The following NOS1AP variants were observed in gnomAD, a reference collection of about 807,000 sequenced individuals.
The protein encoded by NOS1AP is nitric oxide synthase 1 adaptor protein.
In NOS1AP, 21 loss-of-function variants were observed where a neutral mutation model predicts 56.2. That is an observed-to-expected ratio of 0.37 (90% CI 0.26 to 0.54). NOS1AP has a LOEUF of 0.54. Ranked by LOEUF, NOS1AP falls within the 20% of genes least tolerant of loss-of-function variation. The pLI is 0.84. For missense variants in NOS1AP, 522 were observed against 657.8 expected (o/e 0.79, Z 2.26); for synonymous variants, 270 against 274.6 (o/e 0.98, Z 0.17).
chr1:162,206,494 G>A (rs1652169776), intron 2 of NOS1AP, among the ~76,000 whole-genome samples: 1 of 152,218 alleles, frequency 6.6e-6, no homozygotes, highest in Admixed American at 6.5e-5. Flanking sequence ...TTGAGTAGCT[G>A]TGATAGAGAC....
At chr1:162,303,569 G>A (rs907448825) in intron 4 of NOS1AP, among the ~76,000 whole-genome samples, 1 of 152,136 alleles carries the variant, frequency 6.6e-6, no homozygotes, top group Non-Finnish European at 1.5e-5. Context: ...AGCCTTCTGG[G>A]TAGCTGGGAC....
intron 7 of NOS1AP, among the ~76,000 whole-genome samples, chr1:162,355,918 A>G (rs780285284): frequency 1.3e-5 from 2 of 152,200 alleles, no homozygotes; most frequent in Admixed American, 6.5e-5. Flanking sequence ...ATGTGATCCA[A>G]TTAAGAAACT....
At chr1:162,101,986 G>A (rs1021944100) in intron 1 of NOS1AP, among the ~76,000 whole-genome samples, 4 of 152,066 alleles carry the variant, frequency 2.6e-5, no homozygotes, top group African/African-American at 7.3e-5. Context: ...CGTTGAATAG[G>A]AGTGGTGATA....
At chr1:162,186,106 G>A (rs759870638) in intron 2 of NOS1AP, among the ~76,000 whole-genome samples, 9 of 152,070 alleles carry the variant, frequency 5.9e-5, no homozygotes, top group Admixed American at 5.9e-4. Context: ...ATCAAGATGG[G>A]GTATTCCTGG....
Position 162,355,333 on chromosome 1 carries a change from G to A in NOS1AP, c.742G>A (p.Gly248Ser), listed in dbSNP as rs748942778. ...TCTAGATGCTGTAGGGAAGGAAGGA[G>A]GCTCTCACACAGGCTCCAAGGTAGG... Reference protein sequence around the residue: ...TDLDAVGKEGGSHTGSKVSHP... With the variant: ...TDLDAVGKEGSSHTGSKVSHP... The change falls in exon 7 of 10, where the codon GGC becomes AGC. Residue 248 changes from glycine (G) to serine (S), a missense_variant. Gly to Ser is a moderately conservative substitution (Grantham distance 56, BLOSUM62 0). Around this residue, in one of 4 missense-constraint regions of NOS1AP, gnomAD observed 178 missense variants for 165.0 expected, o/e 1.08. Transcript: ENST00000361897. The A allele has an allele frequency of 2.5e-6, 4 of 1,614,182 alleles. No individual in the cohort carries two copies. The highest frequency in any genetic ancestry group is 3.3e-5 in the Admixed American group (2 of 60,030).
chr1:162,289,352 A>G (rs1432003899), intron 3 of NOS1AP, among the ~76,000 whole-genome samples: 1 of 149,660 alleles, frequency 6.7e-6, no homozygotes, highest in African/African-American at 2.5e-5. Context: ...GGCTGGAGTG[A>G]AGTGATGCAA....
intron 8 of NOS1AP, among the ~76,000 whole-genome samples, chr1:162,362,268 TG>T (rs1657927419): frequency 6.6e-6 from 1 of 152,112 alleles, no homozygotes. Flanking sequence ...CCGGCCAACA[TG>T]GGGAAACCCC....
intron 2 of NOS1AP, among the ~76,000 whole-genome samples, chr1:162,211,854 G>A (rs1345864080): frequency 6.6e-6 from 1 of 152,160 alleles, no homozygotes; most frequent in Non-Finnish European, 1.5e-5. Flanking sequence ...AGCAGCAGCT[G>A]GCCCTGAATC....
chr1:162,190,348 AT>A lies in NOS1AP; in HGVS notation c.177+35880del, dbSNP rs925751846. Among the ~76,000 whole-genome samples, 37 of 108,492 alleles carry A rather than the reference AT, an allele frequency of 3.4e-4. 3 individuals carry two copies. The highest frequency in any genetic ancestry group is 1.4e-3 in the African/African-American group (25 of 18,278). 71.2% of individuals were successfully genotyped at this position (108,492 alleles called of 152,430 possible). A position where few individuals can be genotyped will look rare whatever the true frequency, so the allele number is the denominator to read the frequency against. ...CAAGATTTCTTTCTTCTCTGAACACATTTTTTTTAAATTTTATTTTATTTTA... is the reference window on the plus strand; with the variant it reads ...CAAGATTTCTTTCTTCTCTGAACACATTTTTTTAAATTTTATTTTATTTTA... On this transcript the variant is annotated intron_variant, in intron 2 of 9. Transcript: ENST00000361897.
intron 2 of NOS1AP, among the ~76,000 whole-genome samples, chr1:162,194,526 T>C (rs1651744657): frequency 6.6e-6 from 1 of 152,218 alleles, no homozygotes; most frequent in African/African-American, 2.4e-5. Context: ...TCCATGTCTG[T>C]GCAAAAGTTT....
intron 2 of NOS1AP, among the ~76,000 whole-genome samples, chr1:162,239,006 T>A (rs1653395298): frequency 6.6e-6 from 1 of 152,224 alleles, no homozygotes; most frequent in Non-Finnish European, 1.5e-5. Flanking sequence ...AGGAAAGACC[T>A]CCAATCTACA....
rs1488454029 is a variant in NOS1AP at position 162,368,260 on chromosome 1, TGCCTGTA to T, written c.*797_*803del. ...TGAAAGTCCTGCCCTGCCTTCCTCC[TGCCTGTA>T]GCCCAGCCCATCTAAATGGAAGCTG... On this transcript the variant is annotated 3_prime_UTR_variant, in exon 10 of 10. Transcript: ENST00000361897. 6.6e-6 allele frequency: 1 copy of T among 152,272 alleles called. No individual in the cohort carries two copies. The highest frequency in any genetic ancestry group is 1.5e-5 in the Non-Finnish European group (1 of 68,206). 9.4% of individuals were successfully genotyped at this position (152,272 alleles called of 1,614,324 possible). A position where few individuals can be genotyped will look rare whatever the true frequency, so the allele number is the denominator to read the frequency against.
chr1:162,111,352 A>G (rs1337301777), intron 1 of NOS1AP, among the ~76,000 whole-genome samples: 1 of 152,244 alleles, frequency 6.6e-6, no homozygotes. Context: ...ATCCAAAAGC[A>G]TGGATAGAGC....
At chr1:162,174,435 G>A (rs977193893) in intron 2 of NOS1AP, among the ~76,000 whole-genome samples, 2 of 150,792 alleles carry the variant, frequency 1.3e-5, no homozygotes, top group African/African-American at 4.9e-5. Context: ...GGAAGGGATA[G>A]CATTAGGATA....
chr1:162,255,316 T>A (rs1571164915), intron 2 of NOS1AP, among the ~76,000 whole-genome samples: 2 of 152,202 alleles, frequency 1.3e-5, no homozygotes, highest in South Asian at 4.1e-4. Flanking sequence ...AAGCTGCATC[T>A]TTGCTGCAAT....
At chr1:162,089,044 C>G (rs759698523) in intron 1 of NOS1AP, among the ~76,000 whole-genome samples, 7 of 152,126 alleles carry the variant, frequency 4.6e-5, no homozygotes, top group Non-Finnish European at 1.0e-4. Flanking sequence ...CCAGGAAGAC[C>G]TGGTATCTTT....
chr1:162,183,089 C>A (rs1265296509), intron 2 of NOS1AP, among the ~76,000 whole-genome samples: 1 of 152,192 alleles, frequency 6.6e-6, no homozygotes, highest in Non-Finnish European at 1.5e-5. Context: ...AATAATAAGA[C>A]TTGAAAGTTA....
intron 2 of NOS1AP, among the ~76,000 whole-genome samples, chr1:162,213,127 T>C (rs1423991978): frequency 6.6e-6 from 1 of 152,082 alleles, no homozygotes; most frequent in Non-Finnish European, 1.5e-5. Flanking sequence ...GGAATCTAGA[T>C]ACAGTTAGGG....
intron 2 of NOS1AP, among the ~76,000 whole-genome samples, chr1:162,242,762 C>A (rs1653528609): frequency 6.6e-6 from 1 of 152,130 alleles, no homozygotes. Context: ...AGCAGCAACT[C>A]AGGGGATCCA....
Sources: allele counts gnomAD v4.1 joint callset (sites outside exome capture counted in the v4.1 genomes callset), GRCh38; gene constraint gnomAD v4.1.1; regional missense constraint gnomAD v4.1.1; transcripts MANE v1.5; gene names NCBI Gene and HGNC (gene_info 2026-07-23, HGNC 2026-07-21).